Variants in SAMD12 observed in about 807,000 individuals in gnomAD.
SAMD12 encodes the protein sterile alpha motif domain-containing protein 12.
SAMD12 carries 9 observed loss-of-function variants against 15.0 expected under a neutral mutation model. The ratio of observed to expected loss-of-function variants is 0.60; its 90% CI spans 0.36 to 1.05. The LOEUF is 1.05. Among genes scored for constraint, SAMD12 ranks in the 50% least tolerant of loss-of-function variants. The pLI, the probability that SAMD12 is intolerant of heterozygous loss-of-function variation, is 0.01. For missense variants in SAMD12, 230 were observed against 234.2 expected (o/e 0.98, Z 0.12); for synonymous variants, 86 against 90.1 (o/e 0.96, Z 0.25).
intron 4 of SAMD12, among the ~76,000 whole-genome samples, chr8:118,218,038 C>T (rs1812003224): frequency 6.6e-6 from 1 of 152,186 alleles, no homozygotes; most frequent in South Asian, 2.1e-4. Context: ...GCATGCAGCT[C>T]ACACCAAGTA....
intron 4 of SAMD12, among the ~76,000 whole-genome samples, chr8:118,232,562 C>T: frequency 6.6e-6 from 1 of 152,096 alleles, no homozygotes; most frequent in Admixed American, 6.5e-5. Flanking sequence ...TATTAGAACA[C>T]CAGGCTGAGA....
chr8:118,262,509 C>T (rs1474395157), intron 4 of SAMD12, among the ~76,000 whole-genome samples: 1 of 152,016 alleles, frequency 6.6e-6, no homozygotes, highest in Admixed American at 6.6e-5. Flanking sequence ...CAATGCAGAA[C>T]AGATGGAACA....
At chr8:118,186,394 T>C (rs1022860257), downstream of SAMD12, among the ~76,000 whole-genome samples, 4 of 152,188 alleles carry the variant, frequency 2.6e-5, no homozygotes, top group African/African-American at 9.7e-5. Flanking sequence ...CAACAATACT[T>C]AGACCAGTAA....
intron 2 of SAMD12, 109 bp downstream of exon 2, chr8:118,580,606 G>T (rs1367076334): frequency 4.1e-6 from 3 of 730,924 alleles, no homozygotes; most frequent in East Asian, 5.0e-5. Context: ...TTTGACCACA[G>T]ATACAATGGT....
chr8:118,494,481 T>TA (rs1443668795), intron 2 of SAMD12, among the ~76,000 whole-genome samples: 1 of 152,194 alleles, frequency 6.6e-6, no homozygotes, highest in African/African-American at 2.4e-5. Context: ...TACATGCTGT[T>TA]ATATGTTTGG....
At chr8:118,246,758 T>C (rs933349765) in intron 4 of SAMD12, among the ~76,000 whole-genome samples, 1 of 152,158 alleles carries the variant, frequency 6.6e-6, no homozygotes, top group Admixed American at 6.5e-5. Context: ...ATACAGGGAA[T>C]GATTTCTAAG....
At chr8:118,265,817 A>G (rs1813182874) in intron 4 of SAMD12, among the ~76,000 whole-genome samples, 1 of 151,988 alleles carries the variant, frequency 6.6e-6, no homozygotes, top group Admixed American at 6.6e-5. Context: ...GAAGGTTTAC[A>G]GGTTTAATGA....
chr8:118,472,590 C>A (rs564170032), intron 2 of SAMD12, among the ~76,000 whole-genome samples: 2 of 151,788 alleles, frequency 1.3e-5, no homozygotes, highest in Non-Finnish European at 2.9e-5. Context: ...TGGGAGGATC[C>A]CTTTACCCCA....
intron 2 of SAMD12, among the ~76,000 whole-genome samples, chr8:118,525,616 C>T (rs1230048871): frequency 6.6e-6 from 1 of 152,190 alleles, no homozygotes; most frequent in Non-Finnish European, 1.5e-5. Flanking sequence ...TTCTCAGTCA[C>T]TGCATGTTTT....
intron 4 of SAMD12, among the ~76,000 whole-genome samples, chr8:118,346,417 C>A (rs185394662): frequency 3.5e-4 from 54 of 152,120 alleles, no homozygotes; most frequent in African/African-American, 1.3e-3. Context: ...TCTATGTGTC[C>A]CAGGCAGGAA....
chr8:118,335,956 C>T (rs1817037244), intron 4 of SAMD12, among the ~76,000 whole-genome samples: 1 of 152,168 alleles, frequency 6.6e-6, no homozygotes, highest in South Asian at 2.1e-4. Context: ...AACTCCTGGG[C>T]TCAAGCAATC....
intron 2 of SAMD12, among the ~76,000 whole-genome samples, chr8:118,546,434 C>G (rs574686130): frequency 4.6e-5 from 7 of 151,980 alleles, no homozygotes; most frequent in East Asian, 3.9e-4. Flanking sequence ...CTTCCAAGGT[C>G]GAGAAGGGGC....
downstream of SAMD12, among the ~76,000 whole-genome samples, chr8:118,187,441 A>G (rs993954752): frequency 4.6e-5 from 7 of 151,880 alleles, no homozygotes; most frequent in African/African-American, 1.7e-4. Flanking sequence ...AAAAAGATCA[A>G]TAGGAAACTA....
chr8:118,245,920 G>C (rs1226148013), intron 4 of SAMD12, among the ~76,000 whole-genome samples: 1 of 152,134 alleles, frequency 6.6e-6, no homozygotes, highest in Non-Finnish European at 1.5e-5. Context: ...TTAGGCAGAA[G>C]GATTCATTTA....
chr8:118,198,041 GA>G (rs1289311209), intron 4 of SAMD12, among the ~76,000 whole-genome samples: 10 of 152,220 alleles, frequency 6.6e-5, no homozygotes, highest in Non-Finnish European at 1.3e-4. Context: ...TGCAGTTTGG[GA>G]AACCATTTCA....
chr8:118,269,615 A>G (rs1213982923), intron 4 of SAMD12, among the ~76,000 whole-genome samples: 2 of 152,154 alleles, frequency 1.3e-5, no homozygotes, highest in African/African-American at 2.4e-5. Context: ...CAGTCAATCA[A>G]TACCTTCTGT....
chr8:118,264,139 A>C (rs1251296563), intron 4 of SAMD12, among the ~76,000 whole-genome samples: 3 of 152,068 alleles, frequency 2.0e-5, no homozygotes, highest in Non-Finnish European at 2.9e-5. Flanking sequence ...TAACTCTATA[A>C]AGATAAGGCA....
chr8:118,155,460 T>C, the SAMD12 span, among the ~76,000 whole-genome samples: 1 of 152,220 alleles, frequency 6.6e-6, no homozygotes, highest in African/African-American at 2.4e-5. Context: ...CAGGAGATCA[T>C]ATTGTATCCA....
intron 1 of SAMD12, among the ~76,000 whole-genome samples, chr8:118,592,379 AT>A (rs1228327330): frequency 2.0e-5 from 3 of 151,650 alleles, no homozygotes; most frequent in Non-Finnish European, 2.9e-5. Context: ...GGGGAATAAG[AT>A]TTTTTTTTCC....
Sources: allele counts gnomAD v4.1 joint callset (sites outside exome capture counted in the v4.1 genomes callset), GRCh38; gene constraint gnomAD v4.1.1; transcripts MANE v1.5; gene names NCBI Gene and HGNC (gene_info 2026-07-23, HGNC 2026-07-21).